TG: variants seen among roughly 807,000 people sequenced by gnomAD.
TG encodes the protein thyroid hormones.
TG carries 270 observed loss-of-function variants against 324.7 expected under a neutral mutation model. That is an observed-to-expected ratio of 0.83 (90% CI 0.75 to 0.92). TG has a LOEUF of 0.92. Ranked by LOEUF, TG falls within the 40% of genes least tolerant of loss-of-function variation. The pLI, the probability that TG is intolerant of heterozygous loss-of-function variation, is 0.00. For synonymous variants in TG, 1,401 were observed against 1,327.0 expected, an observed-to-expected ratio of 1.06 and a Z score of -1.21; for missense variants, 3,591 against 3,456.4, an observed-to-expected ratio of 1.04 and a Z score of -0.98.
In TG at chr8:132,913,237, T is replaced by G. The variant is rs114024189; in HGVS notation, c.4350T>G (p.Ser1450Arg). The change falls in exon 20 of 48, where the codon AGT becomes AGG. Residue 1450 changes from serine (S) to arginine (R), a missense_variant. Ser to Arg is a moderately radical substitution (Grantham distance 110, BLOSUM62 -1). Transcript: ENST00000220616. Reference sequence around the variant, plus strand: ...AAGGATTCTACCAAGTCTTGACAAGTGAGGCCAGTCAGGACGGACTGGGAT... The same window carrying G: ...AAGGATTCTACCAAGTCTTGACAAGGGAGGCCAGTCAGGACGGACTGGGAT... ...CSEGFYQVLTSEASQDGLGCV... is the reference protein window; with the variant it reads ...CSEGFYQVLTREASQDGLGCV... 23 of 1,613,974 alleles carry G rather than the reference T, an allele frequency of 1.4e-5. No homozygotes were observed. In the East Asian group the frequency reaches 5.1e-4, roughly 36 times the overall value.
At chr8:133,010,731 G>A (rs557843164) in intron 35 of TG, among the ~76,000 whole-genome samples, 2 of 152,282 alleles carry the variant, frequency 1.3e-5, no homozygotes, top group African/African-American at 2.4e-5. Context: ...CCCTCACTTC[G>A]TCTGGCTCTA....
intron 21 of TG, among the ~76,000 whole-genome samples, chr8:132,920,973 G>T (rs1051129527): frequency 3.9e-5 from 6 of 152,230 alleles, no homozygotes; most frequent in Non-Finnish European, 5.9e-5. Flanking sequence ...TGAGGTCAGT[G>T]TGCCCACATG....
chr8:133,079,537 G>A (rs1364911907), intron 41 of TG, among the ~76,000 whole-genome samples: 4 of 152,122 alleles, frequency 2.6e-5, no homozygotes, highest in East Asian at 1.9e-4. Context: ...TTCAGGTCTC[G>A]GAGGAGTTCC....
intron 3 of TG, 108 bp downstream of exon 3, chr8:132,869,934 C>A: frequency 2.3e-6 from 2 of 885,030 alleles, no homozygotes; most frequent in Admixed American, 2.0e-5. Context: ...TCCCTCTGGG[C>A]TGCTGGCTTC....
At chr8:133,037,844 T>C (rs1391037452) in intron 41 of TG, 1 of 152,272 alleles carries the variant, frequency 6.6e-6, no homozygotes, top group African/African-American at 2.4e-5. Flanking sequence ...CTGCCAGCAG[T>C]CTTCCTCTCT....
intron 11 of TG, among the ~76,000 whole-genome samples, chr8:132,895,136 G>A (rs1209073587): frequency 1.3e-4 from 20 of 152,320 alleles, no homozygotes; most frequent in Non-Finnish European, 2.4e-4. Context: ...ATTTCTCACT[G>A]ACCCCACATC....
chr8:133,019,696 G>T lies in TG; in HGVS notation c.6876+1G>T, dbSNP rs1383800261. The T allele has an allele frequency of 6.2e-7, 1 of 1,612,226 alleles. No individual in the cohort carries two copies. On this transcript the variant is annotated splice_donor_variant, in intron 39 of 47. Transcript: ENST00000220616. LOFTEE classifies it high-confidence loss of function. ...CAATGTGTTCATCCCTCAGAATGTG[G>T]TGAGTTCAAAAGCACTTGCTATGGT... is the stretch of plus-strand genomic sequence containing the variant.
chr8:133,083,767 G>A (rs1846086825), intron 41 of TG, among the ~76,000 whole-genome samples: 1 of 152,068 alleles, frequency 6.6e-6, no homozygotes, highest in South Asian at 2.1e-4. Context: ...GTGTGATGTG[G>A]GTTCCAGAAT....
chr8:133,015,774 A>G (rs1834970257), intron 37 of TG, among the ~76,000 whole-genome samples: 1 of 152,192 alleles, frequency 6.6e-6, no homozygotes, highest in East Asian at 1.9e-4. Flanking sequence ...TTTTGCAAGG[A>G]GGAACTATGG....
At chr8:133,125,835 T>C (rs1048161313) in intron 45 of TG, among the ~76,000 whole-genome samples, 1 of 152,162 alleles carries the variant, frequency 6.6e-6, no homozygotes, top group African/African-American at 2.4e-5. Flanking sequence ...GTAGTTCACA[T>C]AGGAGTTTGT....
chr8:133,096,349 C>T lies in TG; in HGVS notation c.7548C>T (p.Leu2516=). The T allele has an allele frequency of 6.2e-7, 1 of 1,614,194 alleles. No individual in the cohort carries two copies. Among genetic ancestry groups the T allele is most frequent in the South Asian group, 1.1e-5 (1 of 91,082 alleles). Residue 2516 remains leucine, a synonymous_variant, in exon 43 of 48, where the codon CTC becomes CTT. Transcript: ENST00000220616. ...LLIGSSQDDG[L]INRAKAVKQF... ...TTGGGAGTTCTCAGGACGACGGGCT[C>T]ATCAACAGAGCAAAGGCTGTGAAGG...
At chr8:133,059,228 C>A in intron 41 of TG, 1 of 440,118 alleles carries the variant, frequency 2.3e-6, no homozygotes. Flanking sequence ...CCAAATGCTA[C>A]CATGTAAGGT....
At chr8:132,971,923 T>G in intron 33 of TG, 50 bp downstream of exon 33, 1 of 1,226,012 alleles carries the variant, frequency 8.2e-7, no homozygotes, top group South Asian at 1.2e-5. Flanking sequence ...CTCTGCAGTT[T>G]AGAAAACACA....
At chr8:133,128,332 GGCGTGCA>G (rs1253395955) in intron 45 of TG, among the ~76,000 whole-genome samples, 8 of 148,814 alleles carry the variant, frequency 5.4e-5, no homozygotes, top group African/African-American at 2.0e-4. Context: ...TGAAACAAAA[GGCGTGCA>G]CACACACACA....
At chr8:132,918,738 C>T (rs1171031440) in intron 20 of TG, among the ~76,000 whole-genome samples, 1 of 152,200 alleles carries the variant, frequency 6.6e-6, no homozygotes. Flanking sequence ...TCAGTTCTCT[C>T]TAGTCTTATA....
chr8:133,024,019 T>G lies in TG; in HGVS notation c.7036+1869T>G, dbSNP rs149372093. Among the ~76,000 whole-genome samples, 5 of 152,356 alleles carry G rather than the reference T, an allele frequency of 3.3e-5. No homozygotes were observed. The East Asian group carries it at 9.6e-4, about 29-fold the overall frequency. ...GTTACACTTATGGAGTGTGTCTGTC[T>G]TCACCAGATATTTCTCCTGGATTAC... On this transcript the variant is annotated intron_variant, in intron 40 of 47. Transcript: ENST00000220616.
intron 41 of TG, chr8:133,060,211 G>A (rs1357183661): frequency 6.2e-7 from 1 of 1,613,410 alleles, no homozygotes. Context: ...CTGTGGTATA[G>A]GAGACAGACG....
At chr8:132,882,060 G>C (rs772032443) in intron 6 of TG, 91 bp downstream of exon 6, 11 of 948,290 alleles carry the variant, frequency 1.2e-5, no homozygotes, top group Non-Finnish European at 1.8e-5. Flanking sequence ...AGCACAGCTA[G>C]AGTGACTGCC....
At chr8:132,912,600 C>A (rs1176992358) in intron 19 of TG, among the ~76,000 whole-genome samples, 3 of 152,094 alleles carry the variant, frequency 2.0e-5, no homozygotes. Flanking sequence ...TTTGAGTGGC[C>A]ACTTCACACA....
Sources: allele counts gnomAD v4.1 joint callset (sites outside exome capture counted in the v4.1 genomes callset), GRCh38; gene constraint gnomAD v4.1.1; transcripts MANE v1.5; gene names NCBI Gene and HGNC (gene_info 2026-07-23, HGNC 2026-07-21).